CEBPA: variants seen among roughly 807,000 people sequenced by gnomAD.
CEBPA encodes the protein CCAAT enhancer binding protein alpha.
In CEBPA, 2 loss-of-function variants were observed where a neutral mutation model predicts 5.1. The observed-to-expected ratio is 0.39, with a 90% confidence interval of 0.16 to 1.23. CEBPA has a LOEUF of 1.23. Among genes scored for constraint, CEBPA ranks in the 50% most tolerant of loss-of-function variants. The pLI is 0.34. For missense variants in CEBPA, 455 were observed against 537.4 expected, an observed-to-expected ratio of 0.85 and a Z score of 1.52; for synonymous variants, 275 against 264.1, an observed-to-expected ratio of 1.04 and a Z score of -0.40.
chr19:33,302,244 C>A lies in CEBPA; in HGVS notation c.171G>T (p.Glu57Asp). Residue 57 changes from glutamate to aspartate, a missense_variant, in exon 1 of 1, where the codon GAG becomes GAT. Physicochemically the swap from Glu to Asp is conservative, Grantham distance 45. Around this residue, in one of 5 missense-constraint regions of CEBPA, gnomAD observed 143 missense variants for 153.9 expected, o/e 0.93. Transcript: ENST00000498907. ...AAPEPLGGICEHETSIDISAY... is the reference protein window; with the variant it reads ...AAPEPLGGICDHETSIDISAY... Reference sequence around the variant, plus strand: ...CGCTGATGTCGATGGACGTCTCGTGCTCGCAGATGCCGCCCAGCGGCTCCG... The same window carrying A: ...CGCTGATGTCGATGGACGTCTCGTGATCGCAGATGCCGCCCAGCGGCTCCG... The A allele has an allele frequency of 6.7e-7, 1 of 1,490,290 alleles. No homozygotes were observed. Among genetic ancestry groups the A allele is most frequent in the Non-Finnish European group, 9.0e-7 (1 of 1,116,728 alleles). The allele number at this position is 1,490,290 out of a possible 1,614,324, so 92.3% of individuals were successfully genotyped here.
In CEBPA at chr19:33,301,271, G is replaced by C; in HGVS notation, c.*67C>G. ...CGGCTCGGGCAAGCCTCGAGATCCG[G>C]CGACCCCAAACCACTCCCTGGGTCC... On this transcript the variant is annotated 3_prime_UTR_variant, in exon 1 of 1. Transcript: ENST00000498907. This position sits in a 1 kb window ranked among gnomAD's most constrained non-coding sequence, Gnocchi z 6.0. The C allele has an allele frequency of 6.7e-7, 1 of 1,503,482 alleles. No individual in the cohort carries two copies. The highest frequency in any genetic ancestry group is 8.9e-7 in the Non-Finnish European group (1 of 1,129,178). The allele number at this position is 1,503,482 out of a possible 1,614,324, so 93.1% of individuals were successfully genotyped here.
At position 33,302,500 on chromosome 19, in the gene CEBPA, G is replaced by C; in HGVS notation, c.-86C>G. ...TCGCCGCCGCCCACCCGGAGACCCT[G>C]CTCGCCCGCGCCCGCGCACCTCCGG... On this transcript the variant is annotated 5_prime_UTR_variant, in exon 1 of 1. Transcript: ENST00000498907. 2.3e-6 allele frequency: 2 copies of C among 866,040 alleles called. No individual in the cohort carries two copies. Among genetic ancestry groups the C allele is most frequent in the Non-Finnish European group, 3.0e-6 (2 of 656,542 alleles). 53.6% of individuals were successfully genotyped at this position (866,040 alleles called of 1,614,324 possible).
In CEBPA at chr19:33,302,235, C is replaced by T; in HGVS notation, c.180G>A (p.Thr60=). ...EPLGGICEHE[T]SIDISAYIDP... is the part of the protein sequence containing the mutation. Reference sequence around the variant, plus strand: ...CGATGTAGGCGCTGATGTCGATGGACGTCTCGTGCTCGCAGATGCCGCCCA... The same window carrying T: ...CGATGTAGGCGCTGATGTCGATGGATGTCTCGTGCTCGCAGATGCCGCCCA... The change falls in exon 1 of 1, where the codon ACG becomes ACA. Residue 60 remains threonine, a synonymous_variant. Coordinates refer to ENST00000498907, the MANE Select transcript of CEBPA (RefSeq NM_004364.5). The T allele has an allele frequency of 6.7e-7, 1 of 1,493,554 alleles. No homozygotes were observed. Among genetic ancestry groups the T allele is most frequent in the Non-Finnish European group, 8.9e-7 (1 of 1,118,472 alleles). The allele number at this position is 1,493,554 out of a possible 1,614,324, so 92.5% of individuals were successfully genotyped here.
rs1967199149 is a variant in CEBPA at position 33,302,300 on chromosome 19, G to C, written c.115C>G (p.Pro39Ala). 7 of 1,462,136 alleles carry C rather than the reference G, an allele frequency of 4.8e-6. No homozygotes were observed. The highest frequency in any genetic ancestry group is 6.3e-6 in the Non-Finnish European group (7 of 1,102,710). The allele number at this position is 1,462,136 out of a possible 1,614,324, so 90.6% of individuals were successfully genotyped here. ...AAFGFPRGAG[P>A]AQPPAPPAAP... ...GCAGGTGGGGCGGGAGGCTGCGCGG[G>C]GCCCGCGCCCCGGGGAAAGCCGAAG... The change falls in exon 1 of 1, where the codon CCC becomes GCC. Residue 39 changes from proline to alanine, a missense_variant. Coordinates refer to ENST00000498907, the MANE Select transcript of CEBPA (RefSeq NM_004364.5).
Position 33,301,641 on chromosome 19 carries a change from G to A in CEBPA, c.774C>T (p.Ala258=). Residue 258 remains alanine, a synonymous_variant, in exon 1 of 1, where the codon GCC becomes GCT. Transcript: ENST00000498907. This position sits in a 1 kb window ranked among gnomAD's most constrained non-coding sequence, Gnocchi z 6.0. ...CACTCGCGCGGAGGTCGGGGTGCGC[G>A]GCGCCCAGCCCCTTGAGCGCGCTGC... ...GPGSALKGLG[A]AHPDLRASGG... is the part of the protein sequence containing the mutation. 6.4e-7 allele frequency: 1 copy of A among 1,551,170 alleles called. No individual in the cohort carries two copies. Among genetic ancestry groups the A allele is most frequent in the Non-Finnish European group, 8.7e-7 (1 of 1,152,132 alleles).
chr19:33,301,689 A>G lies in CEBPA; in HGVS notation c.726T>C (p.Gly242=). 1.7e-6 allele frequency: 2 copies of G among 1,179,600 alleles called. No individual in the cohort carries two copies. Among genetic ancestry groups the G allele is most frequent in the South Asian group, 8.2e-5 (2 of 24,338 alleles). 73.1% of individuals were successfully genotyped at this position (1,179,600 alleles called of 1,614,324 possible). A position where few individuals can be genotyped will look rare whatever the true frequency, so the allele number is the denominator to read the frequency against. The change falls in exon 1 of 1, where the codon GGT becomes GGC. Residue 242 remains glycine, a synonymous_variant. Coordinates refer to ENST00000498907, the MANE Select transcript of CEBPA (RefSeq NM_004364.5). This position sits in a 1 kb window ranked among gnomAD's most constrained non-coding sequence, Gnocchi z 6.0. ...TGCCAGGGCCCGGCAGGCCGGCGGC[A>G]CCGAGCGCGGGCGCGGGGTGCGGGC... ...VPSPHPAPAL[G]AAGLPGPGSA... is the part of the protein sequence containing the mutation.
chr19:33,299,962 A>G lies in CEBPA; in HGVS notation c.*1376T>C, dbSNP rs1389323365. 4.3e-6 allele frequency: 1 copy of G among 232,950 alleles called. No individual in the cohort carries two copies. Among genetic ancestry groups the G allele is most frequent in the Non-Finnish European group, 8.5e-6 (1 of 117,768 alleles). The allele number at this position is 232,950 out of a possible 1,614,324, so 14.4% of individuals were successfully genotyped here. A position where few individuals can be genotyped will look rare whatever the true frequency, so the allele number is the denominator to read the frequency against. ...ACTTTGATATGTTTATATTATAGATATAATACATAAAACATCTAGAGTGAG... is the reference window on the plus strand; with the variant it reads ...ACTTTGATATGTTTATATTATAGATGTAATACATAAAACATCTAGAGTGAG... On this transcript the variant is annotated 3_prime_UTR_variant, in exon 1 of 1. Coordinates refer to ENST00000498907, the MANE Select transcript of CEBPA (RefSeq NM_004364.5).
chr19:33,302,013 C>T lies in CEBPA; in HGVS notation c.402G>A (p.Ala134=), dbSNP rs752254340. The change falls in exon 1 of 1, where the codon GCG becomes GCA. Residue 134 remains alanine (A), a synonymous_variant. Transcript: ENST00000498907. ...AHGPPPGYGC[A]AAGYLDGRLE... is the part of the protein sequence containing the mutation. The stretch of plus-strand genomic sequence containing the variant: ...GCCTGCCGTCCAGGTAGCCGGCGGC[C>T]GCGCAGCCGTAGCCGGGCGGGGGCC... The T allele has an allele frequency of 2.7e-3, 3,168 of 1,180,674 alleles. 10 individuals carry two copies. Among genetic ancestry groups the T allele is most frequent in the Non-Finnish European group, 2.9e-3 (2,729 of 953,644 alleles). 73.1% of individuals were successfully genotyped at this position (1,180,674 alleles called of 1,614,324 possible).
In CEBPA at chr19:33,300,744, AG is replaced by A. The variant is rs546946624; in HGVS notation, c.*593del. The stretch of plus-strand genomic sequence containing the variant: ...GGGTGTGTGCGGAGGGAGGTGGGAG[AG>A]GCGTGGAACTAGAGACCCTCCACCT... On this transcript the variant is annotated 3_prime_UTR_variant, in exon 1 of 1. Coordinates refer to ENST00000498907, the MANE Select transcript of CEBPA (RefSeq NM_004364.5). The A allele has an allele frequency of 4.3e-6, 1 of 233,980 alleles. No homozygotes were observed. The highest frequency in any genetic ancestry group is 2.2e-5 in the African/African-American group (1 of 45,412). 14.5% of individuals were successfully genotyped at this position (233,980 alleles called of 1,614,324 possible).
At position 33,302,158 on chromosome 19, in the gene CEBPA, C is replaced by T. The variant is rs1424468512; in HGVS notation, c.257G>A (p.Arg86Gln). The T allele has an allele frequency of 2.1e-6, 3 of 1,435,628 alleles. No homozygotes were observed. The Admixed American group carries it at 7.4e-5, about 35-fold the overall frequency. The allele number at this position is 1,435,628 out of a possible 1,614,324, so 88.9% of individuals were successfully genotyped here. A position where few individuals can be genotyped will look rare whatever the true frequency, so the allele number is the denominator to read the frequency against. ...EFLADLFQHS[R>Q]QQEKAKAAVG... ...GGCCGCCTTGGCCTTCTCCTGCTGC[C>T]GGCTGTGCTGGAACAGGTCGGCCAG... The change falls in exon 1 of 1, where the codon CGG (arginine) becomes CAG (glutamine). Residue 86 changes from arginine to glutamine, a missense_variant. Transcript: ENST00000498907.
Position 33,302,264 on chromosome 19 carries a change from G to C in CEBPA, c.151C>G (p.Pro51Ala), listed in dbSNP as rs1278513408. The part of the protein sequence containing the change: ...QPPAPPAAPE[P>A]LGGICEHETS... Reference sequence around the variant, plus strand: ...TCGTGCTCGCAGATGCCGCCCAGCGGCTCCGGGGCGGCAGGTGGGGCGGGA... The same window carrying C: ...TCGTGCTCGCAGATGCCGCCCAGCGCCTCCGGGGCGGCAGGTGGGGCGGGA... Residue 51 changes from proline (P) to alanine (A), a missense_variant, in exon 1 of 1, where the codon CCG (proline) becomes GCG (alanine). Coordinates refer to ENST00000498907, the MANE Select transcript of CEBPA (RefSeq NM_004364.5). 1.3e-6 allele frequency: 2 copies of C among 1,485,822 alleles called. No homozygotes were observed. Among genetic ancestry groups the C allele is most frequent in the East Asian group, 5.8e-5 (2 of 34,290 alleles). 92.0% of individuals were successfully genotyped at this position (1,485,822 alleles called of 1,614,324 possible).
At position 33,300,664 on chromosome 19, in the gene CEBPA, C is replaced by T. The variant is rs1967131914; in HGVS notation, c.*674G>A. ...GCTCCCACTGGTCACCTGGTGACCC[C>T]CATCGCAGTGAGTTCCGCCCCAAGG... On this transcript the variant is annotated 3_prime_UTR_variant, in exon 1 of 1. Coordinates refer to ENST00000498907, the MANE Select transcript of CEBPA (RefSeq NM_004364.5). 8.6e-6 allele frequency: 2 copies of T among 233,522 alleles called. No homozygotes were observed. Among genetic ancestry groups the T allele is most frequent in the Non-Finnish European group, 1.7e-5 (2 of 118,216 alleles). The allele number at this position is 233,522 out of a possible 1,614,324, so 14.5% of individuals were successfully genotyped here.
chr19:33,301,795 T>C lies in CEBPA; in HGVS notation c.620A>G (p.Gln207Arg). The change falls in exon 1 of 1, where the codon CAG becomes CGG. Residue 207 changes from glutamine (Q) to arginine (R), a missense_variant. Physicochemically the swap from Gln to Arg is conservative, Grantham distance 43. Coordinates refer to ENST00000498907, the MANE Select transcript of CEBPA (RefSeq NM_004364.5). The surrounding 1 kb of genome is among the most constrained non-coding windows in gnomAD (Gnocchi z 6.0). The stretch of plus-strand genomic sequence containing the variant: ...CTGGCCGCAGTGCGCGATCTGGAAC[T>C]GCAGGTGCGGGGCGGCCAGGTGCGC... ...PPAHLAAPHL[Q>R]FQIAHCGQTT... 1 of 1,231,936 alleles carries C rather than the reference T, an allele frequency of 8.1e-7. No homozygotes were observed. The highest frequency in any genetic ancestry group is 2.8e-5 in the South Asian group (1 of 35,880). The allele number at this position is 1,231,936 out of a possible 1,614,324, so 76.3% of individuals were successfully genotyped here.
rs1060502124 is a variant in CEBPA, at chr19:33,301,874, A to G, written c.541T>C (p.Tyr181His). Reference protein sequence around the residue: ...KQLALAGLFPYQPPPPPPPSH... With the variant: ...KQLALAGLFPHQPPPPPPPSH... ...GGCGGCGGCGGCGGCGGCGGCTGGT[A>G]AGGGAAGAGGCCGGCCAGCGCCAGC... The change falls in exon 1 of 1, where the codon TAC (tyrosine) becomes CAC (histidine). Residue 181 changes from tyrosine to histidine, a missense_variant. Physicochemically the swap from Tyr to His is moderately conservative, Grantham distance 83. This residue lies in a region of CEBPA where 141 missense variants were observed against 124.1 expected (regional missense o/e 1.14). Transcript: ENST00000498907. The surrounding 1 kb of genome is among the most constrained non-coding windows in gnomAD (Gnocchi z 6.0). 3.9e-6 allele frequency: 5 copies of G among 1,291,848 alleles called. No homozygotes were observed. The highest frequency in any genetic ancestry group is 1.6e-5 in the African/African-American group (1 of 62,270). 80.0% of individuals were successfully genotyped at this position (1,291,848 alleles called of 1,614,324 possible).
At position 33,301,968 on chromosome 19, in the gene CEBPA, G is replaced by A. The variant is rs1967184069; in HGVS notation, c.447C>T (p.Arg149=). Reference sequence around the variant, plus strand: ...GCGGCCGCAGCGCCGGCGCCCCGACGCGCTCGTACAGGGGCTCCAGCCTGC... The same window carrying A: ...GCGGCCGCAGCGCCGGCGCCCCGACACGCTCGTACAGGGGCTCCAGCCTGC... ...LDGRLEPLYE[R]VGAPALRPLV... Residue 149 remains arginine (R), a synonymous_variant, in exon 1 of 1, where the codon CGC becomes CGT. Coordinates refer to ENST00000498907, the MANE Select transcript of CEBPA (RefSeq NM_004364.5). The surrounding 1 kb of genome is among the most constrained non-coding windows in gnomAD (Gnocchi z 6.0). The A allele has an allele frequency of 1.6e-6, 2 of 1,243,440 alleles. No individual in the cohort carries two copies. Among genetic ancestry groups the A allele is most frequent in the Non-Finnish European group, 1.0e-6 (1 of 991,320 alleles). The allele number at this position is 1,243,440 out of a possible 1,614,324, so 77.0% of individuals were successfully genotyped here.
chr19:33,301,027 G>A lies in CEBPA; in HGVS notation c.*311C>T, dbSNP rs1967144344. 2.0e-6 allele frequency: 1 copy of A among 488,306 alleles called. No individual in the cohort carries two copies. Among genetic ancestry groups the A allele is most frequent in the African/African-American group, 1.9e-5 (1 of 52,250 alleles). 30.2% of individuals were successfully genotyped at this position (488,306 alleles called of 1,614,324 possible). ...TGCTCCCCCTACTCAGTAGGCATTG[G>A]AGCGGTGAGTTTGCATTTCCAAGGC... On this transcript the variant is annotated 3_prime_UTR_variant, in exon 1 of 1. Transcript: ENST00000498907. This position sits in a 1 kb window ranked among gnomAD's most constrained non-coding sequence, Gnocchi z 6.0.
Position 33,301,803 on chromosome 19 carries a change from CG to C in CEBPA, c.611del (p.Pro204ArgfsTer114). The C allele has an allele frequency of 8.1e-7, 1 of 1,236,472 alleles. No individual in the cohort carries two copies. The highest frequency in any genetic ancestry group is 1.0e-6 in the Non-Finnish European group (1 of 990,624). 76.6% of individuals were successfully genotyped at this position (1,236,472 alleles called of 1,614,324 possible). A position where few individuals can be genotyped will look rare whatever the true frequency, so the allele number is the denominator to read the frequency against. On this transcript the variant is annotated frameshift_variant, in exon 1 of 1. Transcript: ENST00000498907. LOFTEE classifies it low-confidence loss of function (END_TRUNC). This position sits in a 1 kb window ranked among gnomAD's most constrained non-coding sequence, Gnocchi z 6.0. ...PHPPPAHLAA[P>X]HLQFQIAHCG... ...AGTGCGCGATCTGGAACTGCAGGTG[CG>C]GGGCGGCCAGGTGCGCGGGCGGCGG...
In CEBPA at chr19:33,302,307, G is replaced by T. The variant is rs1399064538; in HGVS notation, c.108C>A (p.Gly36=). 2 of 1,444,928 alleles carry T rather than the reference G, an allele frequency of 1.4e-6. No individual in the cohort carries two copies. Among genetic ancestry groups the T allele is most frequent in the Non-Finnish European group, 1.8e-6 (2 of 1,093,880 alleles). The allele number at this position is 1,444,928 out of a possible 1,614,324, so 89.5% of individuals were successfully genotyped here. A position where few individuals can be genotyped will look rare whatever the true frequency, so the allele number is the denominator to read the frequency against. The change falls in exon 1 of 1, where the codon GGC becomes GGA. Residue 36 remains glycine (G), a synonymous_variant. Transcript: ENST00000498907. ...GGGCGGGAGGCTGCGCGGGGCCCGC[G>T]CCCCGGGGAAAGCCGAAGGCGGCGC... ...PSSAAFGFPR[G]AGPAQPPAPP... is the part of the protein sequence containing the mutation.
Position 33,302,426 on chromosome 19 carries a change from A to T in CEBPA, c.-12T>A. 1 of 1,258,228 alleles carries T rather than the reference A, an allele frequency of 7.9e-7. No homozygotes were observed. The highest frequency in any genetic ancestry group is 1.0e-6 in the Non-Finnish European group (1 of 999,004). 77.9% of individuals were successfully genotyped at this position (1,258,228 alleles called of 1,614,324 possible). ...TCGGCCGACTCCATGGGGGAGTTAG[A>T]GTTCTCCCGGCATGGCGAGCCTCGG... On this transcript the variant is annotated 5_prime_UTR_variant, in exon 1 of 1. Transcript: ENST00000498907.
Sources: gnomAD v4.1 joint callset for allele counts on GRCh38, gnomAD v4.1.1 for gene constraint, gnomAD v4.1.1 regional missense constraint, Gnocchi (gnomAD v3.1) non-coding constraint, MANE v1.5 for transcripts, NCBI Gene and HGNC (gene_info 2026-07-23, HGNC 2026-07-21) for gene names.